RBFOX1: variants seen among roughly 807,000 people sequenced by gnomAD.
The protein encoded by RBFOX1 is RNA binding protein fox-1 homolog 1.
RBFOX1 carries 8 observed loss-of-function variants against 57.7 expected under a neutral mutation model. That is an observed-to-expected ratio of 0.14 (90% CI 0.08 to 0.25). The LOEUF (loss-of-function observed/expected upper bound fraction) is 0.25, where lower values mean the gene tolerates loss of function less well. Among genes scored for constraint, RBFOX1 ranks in the 10% least tolerant of loss-of-function variants. The pLI, the probability that RBFOX1 is intolerant of heterozygous loss-of-function variation, is 1.00. For synonymous variants in RBFOX1, 326 were observed against 222.4 expected, an observed-to-expected ratio of 1.47 and a Z score of -4.15; for missense variants, 611 against 548.5, an observed-to-expected ratio of 1.11 and a Z score of -1.14.
chr16:6,468,666 G>A (rs1277042281), intron 2 of RBFOX1, among the ~76,000 whole-genome samples: 2 of 151,832 alleles, frequency 1.3e-5, no homozygotes, highest in African/African-American at 4.8e-5. Flanking sequence ...ATTTGTGTGT[G>A]AGTTAGAACA....
At chr16:6,121,168 C>G (rs528715394) in intron 1 of RBFOX1, among the ~76,000 whole-genome samples, 11 of 152,188 alleles carry the variant, frequency 7.2e-5, no homozygotes, top group East Asian at 1.9e-4. Flanking sequence ...GCCAACCCAT[C>G]AAAATACATG....
chr16:7,529,655 A>G (rs1025160556), intron 5 of RBFOX1, among the ~76,000 whole-genome samples: 4 of 152,058 alleles, frequency 2.6e-5, no homozygotes, highest in Non-Finnish European at 5.9e-5. Flanking sequence ...CATTTTTGTT[A>G]TCTGTCCAGC....
chr16:5,439,364 A>G (rs113910042), intron 1 of RBFOX1, among the ~76,000 whole-genome samples: 1 of 152,298 alleles, frequency 6.6e-6, no homozygotes, highest in South Asian at 2.1e-4. Flanking sequence ...GTGACATGCT[A>G]TGATTTATAT....
At chr16:5,905,675 A>C (rs1011133476) in intron 4 of RBFOX1, among the ~76,000 whole-genome samples, 10 of 152,154 alleles carry the variant, frequency 6.6e-5, no homozygotes, top group African/African-American at 2.4e-4. Context: ...AGCCAGAGGG[A>C]GACCCTGTCC....
chr16:6,640,113 G>T (rs149039669), intron 2 of RBFOX1, among the ~76,000 whole-genome samples: 49 of 152,220 alleles, frequency 3.2e-4, no homozygotes, highest in Admixed American at 7.8e-4. Context: ...ATTTTAAACA[G>T]GGTACACTGG....
chr16:7,453,930 G>T (rs1411313949), intron 4 of RBFOX1, among the ~76,000 whole-genome samples: 1 of 152,146 alleles, frequency 6.6e-6, no homozygotes, highest in South Asian at 2.1e-4. Flanking sequence ...TTCTGGTAGG[G>T]GGATTAAGAA....
intron 1 of RBFOX1, among the ~76,000 whole-genome samples, chr16:6,296,332 C>G (rs2078098179): frequency 6.6e-6 from 1 of 152,158 alleles, no homozygotes; most frequent in Non-Finnish European, 1.5e-5. Flanking sequence ...GATCTTTTCT[C>G]TAGCAGCCTC....
intron 4 of RBFOX1, among the ~76,000 whole-genome samples, chr16:5,975,332 G>T (rs898548283): frequency 1.3e-5 from 2 of 152,082 alleles, no homozygotes; most frequent in East Asian, 1.9e-4. Flanking sequence ...TGCAGCCTTC[G>T]TCCATATCAT....
intron 3 of RBFOX1, among the ~76,000 whole-genome samples, chr16:6,862,953 C>T (rs894888229): frequency 6.6e-6 from 1 of 151,076 alleles, no homozygotes; most frequent in Non-Finnish European, 1.5e-5. Context: ...GCACTGCACT[C>T]CAGCCTGGGC....
intron 4 of RBFOX1, among the ~76,000 whole-genome samples, chr16:7,313,460 TTTTTC>T (rs1443669412): frequency 8.2e-6 from 1 of 121,618 alleles, no homozygotes; most frequent in Non-Finnish European, 1.6e-5. Flanking sequence ...TTTATCTTTT[TTTTTC>T]TTTTCTTGTC....
intron 10 of RBFOX1, among the ~76,000 whole-genome samples, chr16:7,617,258 C>T (rs1208621197): frequency 1.3e-5 from 2 of 152,132 alleles, no homozygotes; most frequent in Non-Finnish European, 2.9e-5. Context: ...TCTGCCATTG[C>T]CGTGTAAAAG....
chr16:7,128,156 C>G (rs1184534787), intron 4 of RBFOX1, among the ~76,000 whole-genome samples: 1 of 152,124 alleles, frequency 6.6e-6, no homozygotes, highest in African/African-American at 2.4e-5. Context: ...TCCTTCCTAA[C>G]CATTCTGACA....
intron 4 of RBFOX1, among the ~76,000 whole-genome samples, chr16:7,207,663 G>A (rs1262267124): frequency 6.6e-6 from 1 of 152,200 alleles, no homozygotes; most frequent in Non-Finnish European, 1.5e-5. Context: ...TGGAGCGGAA[G>A]AAATGTTTTA....
chr16:7,652,714 C>A (rs1204366989), intron 11 of RBFOX1, among the ~76,000 whole-genome samples: 1 of 152,210 alleles, frequency 6.6e-6, no homozygotes, highest in Non-Finnish European at 1.5e-5. Flanking sequence ...CCCCCACATT[C>A]TCTTTTTAAG....
intron 11 of RBFOX1, among the ~76,000 whole-genome samples, chr16:7,643,977 G>T (rs770406474): frequency 6.6e-6 from 1 of 152,152 alleles, no homozygotes; most frequent in African/African-American, 2.4e-5. Flanking sequence ...GATGAATTGG[G>T]GCTGGCTCTG....
chr16:6,432,003 C>G (rs1362201466), intron 2 of RBFOX1, among the ~76,000 whole-genome samples: 1 of 149,156 alleles, frequency 6.7e-6, no homozygotes, highest in African/African-American at 2.5e-5. Flanking sequence ...ATTCTATCAC[C>G]AAGGCTGTAG....
intron 11 of RBFOX1, among the ~76,000 whole-genome samples, chr16:7,646,233 C>G (rs2063710338): frequency 6.6e-6 from 1 of 152,070 alleles, no homozygotes. Context: ...TGCACGATGC[C>G]CTGCCTCGGA....
chr16:7,207,697 A>G (rs1424005202), intron 4 of RBFOX1, among the ~76,000 whole-genome samples: 2 of 152,220 alleles, frequency 1.3e-5, no homozygotes. Flanking sequence ...GAATGCAACA[A>G]CTGTGGAGCT....
intron 10 of RBFOX1, among the ~76,000 whole-genome samples, chr16:7,620,931 C>A (rs941393044): frequency 6.6e-6 from 1 of 152,088 alleles, no homozygotes; most frequent in South Asian, 2.1e-4. Context: ...CCTTAATGGG[C>A]ACTGTCAATA....
Sources: gnomAD v4.1 joint callset for allele counts (sites outside exome capture counted in the v4.1 genomes callset) on GRCh38, gnomAD v4.1.1 for gene constraint, MANE v1.5 for transcripts, NCBI Gene and HGNC (gene_info 2026-07-23, HGNC 2026-07-21) for gene names.